Variants in LINC00305 observed in about 807,000 individuals in gnomAD.
The protein encoded by LINC00305 is long intergenic non-protein coding RNA 305.
chr18:64,105,870 T>A (rs1011560901), intron 1 of LINC00305, among the ~76,000 whole-genome samples: 1 of 152,206 alleles, frequency 6.6e-6, no homozygotes, highest in African/African-American at 2.4e-5. Context: ...TACTTTTACA[T>A]CAACCAAATT....
intron 1 of LINC00305, among the ~76,000 whole-genome samples, chr18:64,127,008 G>T (rs1157489433): frequency 1.3e-5 from 2 of 151,982 alleles, no homozygotes; most frequent in Non-Finnish European, 2.9e-5. Flanking sequence ...TTGTTACATG[G>T]TCTAGAAAAT....
intron 3 of LINC00305, among the ~76,000 whole-genome samples, chr18:64,088,908 G>A (rs765591873): frequency 6.6e-6 from 1 of 152,146 alleles, no homozygotes; most frequent in Non-Finnish European, 1.5e-5. Flanking sequence ...GTGACCAAAA[G>A]TCAGCATCAA....
At chr18:64,110,509 G>A (rs1007619434) in intron 1 of LINC00305, among the ~76,000 whole-genome samples, 3 of 152,170 alleles carry the variant, frequency 2.0e-5, no homozygotes, top group Non-Finnish European at 4.4e-5. Flanking sequence ...GCATAGAAAG[G>A]TAAATTGGAA....
chr18:64,092,753 T>C (rs913425797), intron 3 of LINC00305, among the ~76,000 whole-genome samples: 6 of 152,170 alleles, frequency 3.9e-5, no homozygotes, highest in Non-Finnish European at 5.9e-5. Context: ...TGTACAGTGA[T>C]TATGCCGAGA....
At chr18:64,145,680 T>C (rs62100374) in intron 1 of LINC00305, among the ~76,000 whole-genome samples, 21,253 of 152,114 alleles carry the variant, frequency 0.14, 1,644 homozygotes, top group African/African-American at 0.19. Flanking sequence ...CCTCCCAAAG[T>C]GCTGGGATTA....
intron 1 of LINC00305, among the ~76,000 whole-genome samples, chr18:64,128,038 T>A (rs1723092496): frequency 6.6e-6 from 1 of 152,104 alleles, no homozygotes; most frequent in East Asian, 1.9e-4. Context: ...GGGTTTTTTT[T>A]CTTTTTTAAG....
chr18:64,114,649 A>C (rs2051329878), intron 1 of LINC00305, among the ~76,000 whole-genome samples: 1 of 152,156 alleles, frequency 6.6e-6, no homozygotes, highest in African/African-American at 2.4e-5. Context: ...CCTGGGTTCA[A>C]GTGATTCTCC....
intron 3 of LINC00305, among the ~76,000 whole-genome samples, chr18:64,092,879 G>T (rs1293924734): frequency 6.6e-6 from 1 of 152,202 alleles, no homozygotes; most frequent in Admixed American, 6.5e-5. Context: ...TGAGTTGGCT[G>T]TGGGGAAGCA....
chr18:64,143,863 CAT>C (rs2051484247), intron 1 of LINC00305, among the ~76,000 whole-genome samples: 3 of 151,724 alleles, frequency 2.0e-5, no homozygotes, highest in African/African-American at 7.3e-5. Flanking sequence ...TACATACATA[CAT>C]ACATATATGT....
chr18:64,129,280 T>C (rs1599225574), intron 1 of LINC00305, among the ~76,000 whole-genome samples: 2 of 152,282 alleles, frequency 1.3e-5, no homozygotes, highest in East Asian at 1.9e-4. Flanking sequence ...AGCTATTTGA[T>C]GTGTCTGTCT....
rs115115195 is a variant in LINC00305 at position 64,090,434 on chromosome 18, A to G, written n.540+7400T>C. Among the ~76,000 whole-genome samples the G allele has an allele frequency of 6.2e-3, 950 of 152,336 alleles. 11 individuals are homozygous for G. The highest frequency in any genetic ancestry group is 0.022 in the African/African-American group (911 of 41,578). On this transcript the variant is annotated intron_variant and non_coding_transcript_variant, in intron 3 of 3. Coordinates refer to ENST00000666468, the Ensembl canonical transcript of LINC00305. ...CACACCTACAATATCAGTCCTCCAG[A>G]AAAGAGTTTCTGTAATCTGTGCTAC...
Position 64,140,092 on chromosome 18 carries a change from C to A in LINC00305, n.314+8683G>T, listed in dbSNP as rs190822587. Among the ~76,000 whole-genome samples, 16 of 152,274 alleles carry A rather than the reference C, an allele frequency of 1.1e-4. No homozygotes were observed. In the East Asian group the frequency reaches 3.1e-3, roughly 29 times the overall value. On this transcript the variant is annotated intron_variant and non_coding_transcript_variant, in intron 1 of 3. Coordinates refer to ENST00000666468, the Ensembl canonical transcript of LINC00305. ...TGTGGCCCACAGACAAGCAGGCTGC[C>A]CCTTTTCCCAATTCCCACTTTCTGT...
rs1432721100 is a variant in LINC00305, at chr18:64,114,142, C to T, written n.315-15502G>A. 6.6e-5 allele frequency among the ~76,000 whole-genome samples: 10 copies of T among 152,200 alleles called. No individual in the cohort carries two copies. In the East Asian group the frequency reaches 1.7e-3, roughly 27 times the overall value. On this transcript the variant is annotated intron_variant and non_coding_transcript_variant, in intron 1 of 3. Coordinates refer to ENST00000666468, the Ensembl canonical transcript of LINC00305. ...AAAATTAGCCGGGCGTGGTGGCGGG[C>T]GCCTGCAGTCCCAGCTACTCTGGAG...
At chr18:64,117,561 T>G (rs1309575176) in intron 1 of LINC00305, among the ~76,000 whole-genome samples, 1 of 152,204 alleles carries the variant, frequency 6.6e-6, no homozygotes, top group East Asian at 1.9e-4. Context: ...AAGCTTGGAA[T>G]TCTCAGAGAT....
intron 1 of LINC00305, among the ~76,000 whole-genome samples, chr18:64,111,840 C>T (rs1249122270): frequency 6.6e-6 from 1 of 152,138 alleles, no homozygotes; most frequent in Non-Finnish European, 1.5e-5. Context: ...GGCTTTAATA[C>T]TTTTTAATAG....
chr18:64,126,120 C>T (rs924477491), intron 1 of LINC00305, among the ~76,000 whole-genome samples: 1 of 152,032 alleles, frequency 6.6e-6, no homozygotes, highest in African/African-American at 2.4e-5. Context: ...TATTTTGTTA[C>T]CGCAGCACAA....
chr18:64,127,720 A>G (rs1373982551), intron 1 of LINC00305, among the ~76,000 whole-genome samples: 1 of 152,050 alleles, frequency 6.6e-6, no homozygotes, highest in Non-Finnish European at 1.5e-5. Flanking sequence ...AATGGACCCA[A>G]TCTCTGTTCG....
chr18:64,102,602 G>C (rs1286924777), intron 1 of LINC00305, among the ~76,000 whole-genome samples: 3 of 152,166 alleles, frequency 2.0e-5, no homozygotes, highest in Non-Finnish European at 2.9e-5. Context: ...AAATACCTGA[G>C]ACTGGGTAAC....
At chr18:64,098,854 G>T (rs1163123222) in intron 1 of LINC00305, among the ~76,000 whole-genome samples, 1 of 152,138 alleles carries the variant, frequency 6.6e-6, no homozygotes, top group Non-Finnish European at 1.5e-5. Context: ...TATGTGTGCG[G>T]TTGGCTTAAA....
Sources: gnomAD v4.1 joint callset for allele counts (sites outside exome capture counted in the v4.1 genomes callset) on GRCh38, gnomAD v4.1.1 for gene constraint, MANE v1.5 for transcripts, NCBI Gene and HGNC (gene_info 2026-07-23, HGNC 2026-07-21) for gene names.